The following STIM1 variants were observed in gnomAD, a reference collection of about 807,000 sequenced individuals.
STIM1 encodes stromal interaction molecule 1.
Under a neutral mutation model 74.7 loss-of-function variants are expected in STIM1, and 25 were observed. The observed-to-expected ratio is 0.33, with a 90% CI of 0.24 to 0.47. STIM1 has a LOEUF of 0.47. STIM1 is among the 20% of genes least tolerant of loss of function. The probability of loss-of-function intolerance (pLI) is 1.00; values close to 1 mark genes in which losing one functional copy is unlikely to be tolerated. For missense variants in STIM1, 728 were observed against 920.8 expected, an observed-to-expected ratio of 0.79 and a Z score of 2.71; for synonymous variants, 328 against 348.8, an observed-to-expected ratio of 0.94 and a Z score of 0.66.
intron 1 of STIM1, among the ~76,000 whole-genome samples, chr11:3,895,850 T>C (rs1734453243): frequency 8.6e-6 from 1 of 116,068 alleles, no homozygotes; most frequent in Non-Finnish European, 1.7e-5. Flanking sequence ...TCTCTTTCTT[T>C]CTTTCTCTCT....
rs1161943430 is a variant in STIM1, at chr11:4,091,426, G to T, written c.1779G>T (p.Gly593=). The change falls in exon 13 of 13, where the codon GGG becomes GGT. Residue 593 remains glycine (G), a synonymous_variant. Coordinates refer to ENST00000526596, the MANE Select transcript of STIM1 (RefSeq NM_001382567.1). The stretch of plus-strand genomic sequence containing the variant: ...ATGGCAGCCACCGGCTGATCGAGGG[G>T]GTCCACCCAGGGTCTCTGGTGGAGA... ...TSNGSHRLIE[G]VHPGSLVEKL... 6.2e-7 allele frequency: 1 copy of T among 1,614,180 alleles called. No homozygotes were observed. The highest frequency in any genetic ancestry group is 8.5e-7 in the Non-Finnish European group (1 of 1,180,038).
chr11:3,881,108 A>G (rs1253296716), intron 1 of STIM1, among the ~76,000 whole-genome samples: 4 of 151,010 alleles, frequency 2.6e-5, no homozygotes, highest in Non-Finnish European at 5.9e-5. Context: ...AAAAAAAAAA[A>G]GGAAAATCAC....
chr11:4,014,110 A>T (rs993535484), intron 2 of STIM1, among the ~76,000 whole-genome samples: 2 of 151,822 alleles, frequency 1.3e-5, no homozygotes, highest in African/African-American at 4.8e-5. Context: ...TTTGTTTGCC[A>T]TTTCTTCTCT....
At chr11:4,039,246 C>T (rs138685898) in intron 3 of STIM1, among the ~76,000 whole-genome samples, 172 of 152,156 alleles carry the variant, frequency 1.1e-3, no homozygotes, top group Middle Eastern at 6.8e-3. Context: ...GAGCTATGGT[C>T]ATGCCACTGT....
At chr11:3,989,021 G>C in intron 2 of STIM1, 1 of 879,042 alleles carries the variant, frequency 1.1e-6, no homozygotes, top group Non-Finnish European at 1.7e-6. Flanking sequence ...GATGGGATGA[G>C]GTGGGATTCC....
chr11:4,002,163 C>T (rs1335453038), intron 2 of STIM1, among the ~76,000 whole-genome samples: 12 of 146,026 alleles, frequency 8.2e-5, no homozygotes, highest in African/African-American at 1.3e-4. Context: ...CCACTGTCAA[C>T]ATTAGACAGA....
intron 7 of STIM1, among the ~76,000 whole-genome samples, chr11:4,080,009 A>G (rs941693057): frequency 6.6e-6 from 1 of 152,114 alleles, no homozygotes; most frequent in African/African-American, 2.4e-5. Flanking sequence ...GCTTGAGCCC[A>G]GGAGTTTGAA....
intron 2 of STIM1, among the ~76,000 whole-genome samples, chr11:4,005,793 A>G (rs1001900498): frequency 6.6e-6 from 1 of 152,190 alleles, no homozygotes. Context: ...AAAAGAGACT[A>G]GACGTACAAA....
rs1565090901 is a variant in STIM1, at chr11:3,856,232, G to T, written c.-39G>T. On this transcript the variant is annotated 5_prime_UTR_variant, in exon 1 of 13. Transcript: ENST00000526596. ...CTGGCTTTGCCTCTGGGATCCCGAG[G>T]TGTCCACATCAGACGCATGTTGACT... 6.2e-7 allele frequency: 1 copy of T among 1,613,488 alleles called. No homozygotes were observed. The highest frequency in any genetic ancestry group is 8.5e-7 in the Non-Finnish European group (1 of 1,179,914).
intron 1 of STIM1, among the ~76,000 whole-genome samples, chr11:3,863,051 C>A (rs1386688786): frequency 6.6e-6 from 1 of 151,972 alleles, no homozygotes; most frequent in Non-Finnish European, 1.5e-5. Context: ...CGCCACCACA[C>A]CTGGCTAATT....
chr11:3,878,863 C>G (rs10835231), intron 1 of STIM1, among the ~76,000 whole-genome samples: 1 of 152,024 alleles, frequency 6.6e-6, no homozygotes, highest in Non-Finnish European at 1.5e-5. Context: ...TATCTTCCCC[C>G]GACAGTTTGG....
intron 1 of STIM1, among the ~76,000 whole-genome samples, chr11:3,898,150 T>G (rs2092243323): frequency 6.6e-6 from 1 of 151,644 alleles, no homozygotes; most frequent in East Asian, 1.9e-4. Context: ...AGTGTTCCTA[T>G]TTCTCCACAT....
chr11:3,928,265 G>A (rs1015344032), intron 1 of STIM1, among the ~76,000 whole-genome samples: 7 of 146,882 alleles, frequency 4.8e-5, no homozygotes, highest in African/African-American at 1.8e-4. Flanking sequence ...TCACTTTGTC[G>A]CCCAGGCTGG....
intron 1 of STIM1, among the ~76,000 whole-genome samples, chr11:3,884,927 A>T (rs949049382): frequency 6.6e-6 from 1 of 152,254 alleles, no homozygotes; most frequent in Non-Finnish European, 1.5e-5. Context: ...TTCCATTTAC[A>T]TGAAATGTCC....
At chr11:3,923,103 A>G (rs2092740043) in intron 1 of STIM1, among the ~76,000 whole-genome samples, 1 of 151,716 alleles carries the variant, frequency 6.6e-6, no homozygotes, top group Non-Finnish European at 1.5e-5. Flanking sequence ...CCGTCTCAAA[A>G]AAAAAAAAAA....
chr11:4,086,173 CT>C (rs2094492057), intron 11 of STIM1: 1 of 459,086 alleles, frequency 2.2e-6, no homozygotes, highest in Non-Finnish European at 4.0e-6. Flanking sequence ...TCCCAAGCCC[CT>C]ATCCTACCCT....
chr11:3,992,276 T>C (rs1315575107), intron 2 of STIM1, among the ~76,000 whole-genome samples: 1 of 149,604 alleles, frequency 6.7e-6, no homozygotes, highest in African/African-American at 2.5e-5. Flanking sequence ...TAGCTAGGCA[T>C]GGTGATGTGT....
chr11:3,856,174 TG>T lies in STIM1; in HGVS notation c.-96del, dbSNP rs747491937. 1 of 1,550,136 alleles carries T rather than the reference TG, an allele frequency of 6.5e-7. No homozygotes were observed. The highest frequency in any genetic ancestry group is 1.1e-5 in the South Asian group (1 of 89,564). On this transcript the variant is annotated 5_prime_UTR_variant, in exon 1 of 13. Coordinates refer to ENST00000526596, the MANE Select transcript of STIM1 (RefSeq NM_001382567.1). ...CAGCTGCGGAGCCGCGAGGGCATCT[TG>T]CCTGGAGACCGTCGGCTGCACTCCC...
intron 2 of STIM1, among the ~76,000 whole-genome samples, chr11:4,013,998 C>G (rs957007906): frequency 1.4e-4 from 21 of 151,966 alleles, no homozygotes; most frequent in African/African-American, 5.1e-4. Flanking sequence ...TCAGCCACCA[C>G]GCCTGGCTGA....
Sources: allele counts gnomAD v4.1 joint callset (sites outside exome capture counted in the v4.1 genomes callset), GRCh38; gene constraint gnomAD v4.1.1; transcripts MANE v1.5; gene names NCBI Gene and HGNC (gene_info 2026-07-23, HGNC 2026-07-21).